DNM3: variants seen among roughly 807,000 people sequenced by gnomAD.
DNM3 encodes the protein dynamin 3, also known as dynamin-3.
Under a neutral mutation model 101.6 loss-of-function variants are expected in DNM3, and 47 were observed. The ratio of observed to expected loss-of-function variants is 0.46; its 90% CI spans 0.37 to 0.59. The LOEUF (loss-of-function observed/expected upper bound fraction) is 0.59, where lower values mean the gene tolerates loss of function less well. Ranked by LOEUF, DNM3 falls within the 20% of genes least tolerant of loss-of-function variation. The pLI is 0.00. For synonymous variants in DNM3, 385 were observed against 387.9 expected (o/e 0.99, Z 0.09); for missense variants, 849 against 1,085.7 (o/e 0.78, Z 3.06).
intron 1 of DNM3, among the ~76,000 whole-genome samples, chr1:171,856,952 T>C (rs186172418): frequency 3.1e-4 from 47 of 152,274 alleles, no homozygotes; most frequent in African/African-American, 1.1e-3. Context: ...GGGCATTAAA[T>C]AGTAAGAATT....
intron 13 of DNM3, among the ~76,000 whole-genome samples, chr1:172,126,718 CTT>C (rs553434172): frequency 2.7e-5 from 4 of 145,934 alleles, no homozygotes; most frequent in Non-Finnish European, 3.0e-5. Context: ...ACGGTACCTG[CTT>C]TTTTTTTTTG....
intron 14 of DNM3, among the ~76,000 whole-genome samples, chr1:172,226,389 A>G (rs912832241): frequency 1.3e-5 from 2 of 152,224 alleles, no homozygotes; most frequent in Admixed American, 6.5e-5. Flanking sequence ...ATACTTAACT[A>G]TAACTTATTT....
intron 1 of DNM3, among the ~76,000 whole-genome samples, chr1:171,868,678 G>A (rs1342821527): frequency 6.6e-6 from 1 of 152,162 alleles, no homozygotes; most frequent in East Asian, 1.9e-4. Flanking sequence ...ATCAAGCAAG[G>A]ATGAGCCTCT....
At chr1:172,083,285 G>A (rs1185163768) in intron 12 of DNM3, among the ~76,000 whole-genome samples, 4 of 152,040 alleles carry the variant, frequency 2.6e-5, no homozygotes, top group South Asian at 4.2e-4. Flanking sequence ...GGTGGGGGGG[G>A]AATGTAGAAA....
intron 15 of DNM3, among the ~76,000 whole-genome samples, chr1:172,306,518 G>C (rs966963896): frequency 6.6e-6 from 1 of 151,848 alleles, no homozygotes; most frequent in African/African-American, 2.4e-5. Flanking sequence ...CACAGAATTG[G>C]AAAAAAACCA....
intron 15 of DNM3, among the ~76,000 whole-genome samples, chr1:172,283,676 C>G (rs2063574714): frequency 6.8e-6 from 1 of 147,794 alleles, no homozygotes; most frequent in East Asian, 2.0e-4. Context: ...AGGAAAATCG[C>G]TTGAAACCAG....
At chr1:172,294,973 A>C (rs2148826840) in intron 15 of DNM3, among the ~76,000 whole-genome samples, 1 of 151,820 alleles carries the variant, frequency 6.6e-6, no homozygotes, top group African/African-American at 2.4e-5. Flanking sequence ...TCTATTTATT[A>C]TTTATTACTA....
intron 14 of DNM3, among the ~76,000 whole-genome samples, chr1:172,213,181 C>T (rs1005451862): frequency 1.2e-4 from 18 of 152,106 alleles, no homozygotes; most frequent in African/African-American, 3.6e-4. Context: ...CAGGTCCGGG[C>T]CACAGCTGAT....
At chr1:171,876,247 T>A (rs1223743446) in intron 1 of DNM3, among the ~76,000 whole-genome samples, 1 of 152,212 alleles carries the variant, frequency 6.6e-6, no homozygotes, top group African/African-American at 2.4e-5. Flanking sequence ...AGATGGCTCA[T>A]GGGCTGATAA....
intron 13 of DNM3, among the ~76,000 whole-genome samples, chr1:172,101,324 C>T (rs1227680526): frequency 6.6e-6 from 1 of 152,034 alleles, no homozygotes; most frequent in African/African-American, 2.4e-5. Flanking sequence ...ATGACTTTCC[C>T]CTTCTCTCCC....
intron 11 of DNM3, among the ~76,000 whole-genome samples, chr1:172,077,369 T>G (rs1391327169): frequency 6.6e-6 from 1 of 152,228 alleles, no homozygotes; most frequent in Non-Finnish European, 1.5e-5. Flanking sequence ...CTTTTGCGTT[T>G]GCCCTTGCTT....
At chr1:171,949,670 T>C (rs2042385718) in intron 2 of DNM3, among the ~76,000 whole-genome samples, 1 of 151,974 alleles carries the variant, frequency 6.6e-6, no homozygotes, top group Non-Finnish European at 1.5e-5. Flanking sequence ...CCTGTCTTGG[T>C]TTCCCAAAGT....
chr1:172,066,994 G>C (rs148106566), intron 10 of DNM3, among the ~76,000 whole-genome samples: 1 of 151,674 alleles, frequency 6.6e-6, no homozygotes, highest in African/African-American at 2.4e-5. Context: ...GTGTGCGCGC[G>C]TGCAAGACTT....
chr1:172,045,679 C>T (rs1314727110), intron 9 of DNM3, among the ~76,000 whole-genome samples: 1 of 152,154 alleles, frequency 6.6e-6, no homozygotes. Context: ...GAAGGCTAAA[C>T]ATAACTTAAT....
downstream of DNM3, among the ~76,000 whole-genome samples, chr1:172,416,491 A>C (rs1290664545): frequency 2.0e-5 from 3 of 152,222 alleles, no homozygotes; most frequent in Non-Finnish European, 2.9e-5. Flanking sequence ...TGTCACCCTG[A>C]TGTTTCAAGC....
chr1:172,186,178 G>A (rs2059516835), intron 14 of DNM3, among the ~76,000 whole-genome samples: 2 of 152,134 alleles, frequency 1.3e-5, no homozygotes, highest in South Asian at 4.1e-4. Flanking sequence ...GACCAAAAGG[G>A]AGTGAGGACT....
chr1:172,315,290 A>G (rs2065278861), intron 16 of DNM3, among the ~76,000 whole-genome samples: 1 of 152,198 alleles, frequency 6.6e-6, no homozygotes, highest in Non-Finnish European at 1.5e-5. Context: ...AAAGATGGGG[A>G]AAAAACAGAG....
intron 1 of DNM3, among the ~76,000 whole-genome samples, chr1:171,847,723 C>G: frequency 6.6e-6 from 1 of 151,868 alleles, no homozygotes; most frequent in Non-Finnish European, 1.5e-5. Context: ...GTCAAAGACA[C>G]AAATGTCAGG....
chr1:172,053,548 A>C (rs1214598295), intron 10 of DNM3, among the ~76,000 whole-genome samples: 1 of 152,124 alleles, frequency 6.6e-6, no homozygotes, highest in East Asian at 1.9e-4. Context: ...CCTTTGAAAA[A>C]AAAGGCGCTG....
Sources: allele counts gnomAD v4.1 joint callset (sites outside exome capture counted in the v4.1 genomes callset), GRCh38; gene constraint gnomAD v4.1.1; transcripts MANE v1.5; gene names NCBI Gene and HGNC (gene_info 2026-07-23, HGNC 2026-07-21).